Variants in WWOX observed in about 807,000 individuals in gnomAD.
WWOX encodes WW domain containing oxidoreductase.
Under a neutral mutation model 46.2 loss-of-function variants are expected in WWOX, and 69 were observed. That is an observed-to-expected ratio of 1.49 (90% CI 1.23 to 1.82). WWOX has a LOEUF of 1.82. WWOX is among the 40% of genes most tolerant of loss of function. WWOX has a pLI of 0.00. For synonymous variants in WWOX, 359 were observed against 202.6 expected (o/e 1.77, Z -6.56); for missense variants, 919 against 542.6 (o/e 1.69, Z -6.89).
chr16:78,389,218 C>T (rs2082125926), intron 6 of WWOX, among the ~76,000 whole-genome samples: 2 of 152,200 alleles, frequency 1.3e-5, no homozygotes, highest in African/African-American at 2.4e-5. Context: ...TATCAAGAGG[C>T]ACCTCAACAG....
chr16:78,273,158 C>T (rs772295969), intron 5 of WWOX, among the ~76,000 whole-genome samples: 11 of 152,136 alleles, frequency 7.2e-5, no homozygotes, highest in South Asian at 2.1e-4. Flanking sequence ...GTCTGTTCTC[C>T]GCCTGCTGTG....
intron 4 of WWOX, among the ~76,000 whole-genome samples, chr16:78,127,357 G>T (rs186134078): frequency 1.3e-5 from 2 of 152,042 alleles, no homozygotes; most frequent in African/African-American, 2.4e-5. Flanking sequence ...CTGGTTCCCA[G>T]ATCCTCAAGA....
chr16:78,567,421 C>G (rs938786557), intron 8 of WWOX, among the ~76,000 whole-genome samples: 1 of 151,146 alleles, frequency 6.6e-6, no homozygotes, highest in Non-Finnish European at 1.5e-5. Context: ...GGCGTGGTGG[C>G]GGGTGCCTGT....
At position 78,928,495 on chromosome 16, in the gene WWOX, C is replaced by T. The variant is rs182055329; in HGVS notation, c.1057-283113C>T. Among the ~76,000 whole-genome samples the T allele has an allele frequency of 5.0e-4, 76 of 152,280 alleles. 1 individual carries two copies. The highest frequency in any genetic ancestry group is 1.6e-3 in the African/African-American group (68 of 41,558). ...GGGATTACAGGCGTGAGCCACCGCGCCCGGCCCCACTTTTCTTGTTGTGAA... is the reference window on the plus strand; with the variant it reads ...GGGATTACAGGCGTGAGCCACCGCGTCCGGCCCCACTTTTCTTGTTGTGAA... On this transcript the variant is annotated intron_variant, in intron 8 of 8. Transcript: ENST00000566780.
intron 8 of WWOX, among the ~76,000 whole-genome samples, chr16:78,555,019 G>A (rs1457792054): frequency 6.6e-6 from 1 of 152,136 alleles, no homozygotes; most frequent in Non-Finnish European, 1.5e-5. Flanking sequence ...GACAACTTCT[G>A]GCTCCCTTGC....
chr16:78,206,841 C>G (rs758426213), intron 5 of WWOX, among the ~76,000 whole-genome samples: 2 of 152,180 alleles, frequency 1.3e-5, no homozygotes, highest in African/African-American at 4.8e-5. Context: ...AAAGAAGTGA[C>G]AAAGTACGGT....
At chr16:78,671,699 C>A (rs1167167856) in intron 8 of WWOX, among the ~76,000 whole-genome samples, 1 of 152,122 alleles carries the variant, frequency 6.6e-6, no homozygotes, top group Non-Finnish European at 1.5e-5. Flanking sequence ...GTGCCTGATT[C>A]AGAGTAAGTG....
chr16:78,720,452 T>G (rs1342445002), intron 8 of WWOX, among the ~76,000 whole-genome samples: 2 of 148,428 alleles, frequency 1.3e-5, no homozygotes, highest in Non-Finnish European at 3.0e-5. Context: ...ATTCCCAATT[T>G]GCAATGTTAT....
At chr16:78,666,452 G>T (rs1412806028) in intron 8 of WWOX, among the ~76,000 whole-genome samples, 3 of 152,128 alleles carry the variant, frequency 2.0e-5, no homozygotes, top group Non-Finnish European at 2.9e-5. Context: ...CATGCTTACA[G>T]CCTATTTTTA....
At chr16:78,839,364 T>C (rs1455409403) in intron 8 of WWOX, among the ~76,000 whole-genome samples, 1 of 152,140 alleles carries the variant, frequency 6.6e-6, no homozygotes, top group Non-Finnish European at 1.5e-5. Context: ...AACCTTTTCA[T>C]GTCCTCAGAG....
At chr16:79,185,947 TGTGTGTGTGTGTGTGCATGC>T (rs973605316) in intron 8 of WWOX, among the ~76,000 whole-genome samples, 1 of 150,198 alleles carries the variant, frequency 6.7e-6, no homozygotes, top group African/African-American at 2.4e-5. Context: ...GCCATGTCTG[TGTGTGTGTGTGTGTGCATGC>T]GTGTGTGTGT....
At chr16:78,767,820 T>A (rs923996073) in intron 8 of WWOX, among the ~76,000 whole-genome samples, 1 of 152,176 alleles carries the variant, frequency 6.6e-6, no homozygotes, top group African/African-American at 2.4e-5. Context: ...TTAAGCGTAC[T>A]TTCACGTGCC....
intron 8 of WWOX, among the ~76,000 whole-genome samples, chr16:79,169,180 T>A (rs1012440685): frequency 6.6e-6 from 1 of 152,194 alleles, no homozygotes; most frequent in Non-Finnish European, 1.5e-5. Flanking sequence ...AAACATTAAA[T>A]AACATGTCCA....
rs866109334 is a variant in WWOX at position 78,411,785 on chromosome 16, C to T, written c.606-13085C>T. ...CACCTAAAAGGAACAGAGCTAGAAACATGGAGTGACATGAAGTCATTGTCT... is the reference window on the plus strand; with the variant it reads ...CACCTAAAAGGAACAGAGCTAGAAATATGGAGTGACATGAAGTCATTGTCT... On this transcript the variant is annotated intron_variant, in intron 6 of 8. Transcript: ENST00000566780. 2.5e-4 allele frequency among the ~76,000 whole-genome samples: 38 copies of T among 152,148 alleles called. 1 individual carries two copies. Among genetic ancestry groups the T allele is most frequent in the Non-Finnish European group, 7.4e-5 (5 of 68,018 alleles).
chr16:78,456,370 G>C (rs1288821643), intron 8 of WWOX, among the ~76,000 whole-genome samples: 2 of 150,170 alleles, frequency 1.3e-5, no homozygotes, highest in African/African-American at 2.5e-5. Context: ...AGTAGCAATG[G>C]AAACAAACTT....
At chr16:79,157,067 C>T (rs1308844422) in intron 8 of WWOX, among the ~76,000 whole-genome samples, 2 of 152,136 alleles carry the variant, frequency 1.3e-5, no homozygotes, top group African/African-American at 4.8e-5. Flanking sequence ...TTTGTTTGTA[C>T]TTATATTAAC....
chr16:79,193,277 G>C (rs899668892), intron 8 of WWOX, among the ~76,000 whole-genome samples: 2 of 152,168 alleles, frequency 1.3e-5, no homozygotes, highest in Non-Finnish European at 2.9e-5. Context: ...GACCATAATA[G>C]TAAGCACCTC....
At chr16:78,807,750 A>G (rs1204057145) in intron 8 of WWOX, among the ~76,000 whole-genome samples, 2 of 152,248 alleles carry the variant, frequency 1.3e-5, no homozygotes, top group Non-Finnish European at 2.9e-5. Context: ...TGGCCTGACC[A>G]AACTGTAGAG....
Position 78,982,583 on chromosome 16 carries a change from C to T in WWOX, c.1057-229025C>T, listed in dbSNP as rs531209240. 2.0e-4 allele frequency among the ~76,000 whole-genome samples: 30 copies of T among 152,192 alleles called. No homozygotes were observed. In the South Asian group the frequency reaches 4.6e-3, roughly 23 times the overall value. On this transcript the variant is annotated intron_variant, in intron 8 of 8. Transcript: ENST00000566780. ...GTTATCAATTACATGGTTAGCTAGGCGCTGCTATTGTATGCTCTATGGCTT... is the reference window on the plus strand; with the variant it reads ...GTTATCAATTACATGGTTAGCTAGGTGCTGCTATTGTATGCTCTATGGCTT...
Sources: allele counts gnomAD v4.1 joint callset (sites outside exome capture counted in the v4.1 genomes callset), GRCh38; gene constraint gnomAD v4.1.1; transcripts MANE v1.5; gene names NCBI Gene and HGNC (gene_info 2026-07-23, HGNC 2026-07-21).